The following CROCC2 variants were observed in gnomAD, a reference collection of about 807,000 sequenced individuals.
CROCC2 encodes the protein ciliary rootlet coiled-coil protein 2.
In CROCC2, 163 loss-of-function variants were observed where a neutral mutation model predicts 177.6. The observed-to-expected ratio is 0.92, with a 90% CI of 0.81 to 1.05. The LOEUF (loss-of-function observed/expected upper bound fraction) is 1.05. Ranked by LOEUF, CROCC2 falls within the 50% of genes least tolerant of loss-of-function variation. CROCC2 has a pLI of 0.00. For missense variants in CROCC2, 1,929 were observed against 1,797.8 expected (o/e 1.07, Z -1.32); for synonymous variants, 904 against 787.3 (o/e 1.15, Z -2.48).
chr2:240,982,775 C>T lies in CROCC2; in HGVS notation c.4402-105C>T, dbSNP rs1399289715. ...TCTTGCTGTTTTCATCCCAGCGATA[C>T]GGTCCTGCCAGACGGTCTAGGCAGA... On this transcript the variant is annotated intron_variant, in intron 27 of 31. Coordinates refer to ENST00000690015, the MANE Select transcript of CROCC2 (RefSeq NM_001351305.2). The surrounding 1 kb of genome is among the most constrained non-coding windows in gnomAD (Gnocchi z 4.7). The T allele has an allele frequency of 2.4e-5, 23 of 958,092 alleles. No individual in the cohort carries two copies. Among genetic ancestry groups the T allele is most frequent in the Admixed American group, 5.8e-5 (2 of 34,624 alleles). The allele number at this position is 958,092 out of a possible 1,614,324, so 59.3% of individuals were successfully genotyped here. A position where few individuals can be genotyped will look rare whatever the true frequency, so the allele number is the denominator to read the frequency against.
In CROCC2 at chr2:240,950,449, T is replaced by C. The variant is rs947303477; in HGVS notation, c.2768T>C (p.Ile923Thr). The C allele has an allele frequency of 6.5e-7, 1 of 1,550,012 alleles. No individual in the cohort carries two copies. The highest frequency in any genetic ancestry group is 2.0e-5 in the Admixed American group (1 of 50,958). Residue 923 changes from isoleucine (I) to threonine (T), a missense_variant, in exon 18 of 32, where the codon ATT becomes ACT. Coordinates refer to ENST00000690015, the MANE Select transcript of CROCC2 (RefSeq NM_001351305.2). ...AAEREALKGEIQSLKQERDES... is the reference protein window; with the variant it reads ...AAEREALKGETQSLKQERDES... ...GAGAGGGAGGCTCTGAAGGGGGAAATTCAGAGCCTGAAGCAGGAGCGGGAC... is the reference window on the plus strand; with the variant it reads ...GAGAGGGAGGCTCTGAAGGGGGAAACTCAGAGCCTGAAGCAGGAGCGGGAC...
chr2:240,951,828 C>T (rs1156409313), intron 18 of CROCC2, among the ~76,000 whole-genome samples: 3 of 152,168 alleles, frequency 2.0e-5, no homozygotes, highest in Admixed American at 2.0e-4. Flanking sequence ...TCAGTGTATC[C>T]AACTCAAACA....
chr2:240,930,857 G>A, intron 6 of CROCC2, 74 bp from the exon 7 acceptor site: 1 of 622,162 alleles, frequency 1.6e-6, no homozygotes, highest in South Asian at 1.9e-5. Flanking sequence ...GGTCCTCTGT[G>A]GGGCTGATGG....
intron 19 of CROCC2, chr2:240,957,944 G>A (rs892716270): frequency 1.0e-6 from 1 of 983,212 alleles, no homozygotes; most frequent in African/African-American, 1.7e-5. Flanking sequence ...GGGAGCTGAT[G>A]CCTCTGGCTC....
At position 240,946,068 on chromosome 2, in the gene CROCC2, C is replaced by T; in HGVS notation, c.2178C>T (p.Cys726=). The T allele has an allele frequency of 1.3e-6, 2 of 1,512,562 alleles. No homozygotes were observed. Among genetic ancestry groups the T allele is most frequent in the African/African-American group, 1.4e-5 (1 of 72,592 alleles). The allele number at this position is 1,512,562 out of a possible 1,614,324, so 93.7% of individuals were successfully genotyped here. A position where few individuals can be genotyped will look rare whatever the true frequency, so the allele number is the denominator to read the frequency against. Residue 726 remains cysteine, a synonymous_variant, in exon 15 of 32, where the codon TGC becomes TGT. Transcript: ENST00000690015. ...CTCCCCACCTCCCCTAGGTCACATG[C>T]CAGAAACAGGCCCTGGAGGAGCAGC... ...QLQEQVGQVT[C]QKQALEEQLA...
At chr2:240,974,623 G>A (rs1313548692) in intron 27 of CROCC2, among the ~76,000 whole-genome samples, 2 of 147,772 alleles carry the variant, frequency 1.4e-5, no homozygotes, top group Non-Finnish European at 3.0e-5. Flanking sequence ...ACCCACCTCA[G>A]CCTCCCAAAG....
At chr2:240,926,349 C>T (rs2059395691) in intron 5 of CROCC2, among the ~76,000 whole-genome samples, 1 of 152,222 alleles carries the variant, frequency 6.6e-6, no homozygotes, top group African/African-American at 2.4e-5. Flanking sequence ...GGTCAGGGCA[C>T]AGAGCTCCAG....
Position 240,949,590 on chromosome 2 carries a change from A to G in CROCC2, c.2540A>G (p.Asp847Gly). The change falls in exon 17 of 32, where the codon GAC becomes GGC. Residue 847 changes from aspartate (D) to glycine (G), a missense_variant. Physicochemically the swap from Asp to Gly is moderately conservative, Grantham distance 94. Transcript: ENST00000690015. This position sits in a 1 kb window ranked among gnomAD's most constrained non-coding sequence, Gnocchi z 4.5. ...WEVQEMKLRQ[D>G]TVRLQRQVAQ... is the part of the protein sequence containing the mutation. ...GTCCAGGAAATGAAGCTGCGGCAGG[A>G]CACGGTGCGGCTCCAGCGACAGGTG... 6.4e-7 allele frequency: 1 copy of G among 1,550,530 alleles called. No individual in the cohort carries two copies. The highest frequency in any genetic ancestry group is 8.7e-7 in the Non-Finnish European group (1 of 1,146,952).
chr2:240,932,375 G>T lies in CROCC2; in HGVS notation c.1005G>T (p.Ala335=), dbSNP rs746940562. ...EKLTEQNEQK[A]KTIAALRTDL... is the part of the protein sequence containing the mutation. ...TTACAGAGCAGAATGAGCAGAAGGC[G>T]AAGACCATCGCTGCCCTCAGAACCG... The change falls in exon 8 of 32, where the codon GCG becomes GCT. Residue 335 remains alanine, a synonymous_variant. Coordinates refer to ENST00000690015, the MANE Select transcript of CROCC2 (RefSeq NM_001351305.2). The T allele has an allele frequency of 5.6e-5, 40 of 717,384 alleles. No homozygotes were observed. Among genetic ancestry groups the T allele is most frequent in the Non-Finnish European group, 9.1e-5 (35 of 385,078 alleles). The allele number at this position is 717,384 out of a possible 1,614,324, so 44.4% of individuals were successfully genotyped here. A position where few individuals can be genotyped will look rare whatever the true frequency, so the allele number is the denominator to read the frequency against.
At chr2:240,913,950 C>T (rs2059302958) in intron 1 of CROCC2, among the ~76,000 whole-genome samples, 1 of 152,262 alleles carries the variant, frequency 6.6e-6, no homozygotes, top group Non-Finnish European at 1.5e-5. Flanking sequence ...TCAAGCTGTG[C>T]CTGCTCCTGG....
Position 240,966,384 on chromosome 2 carries a change from A to G in CROCC2, c.4121A>G (p.Lys1374Arg). ...VQDILRDFVQ[K>R]LREAQRERDD... ...GACATCCTGCGGGACTTTGTGCAGA[A>G]GCTCCGGGAAGCCCAGCGGGAGCGG... Residue 1374 changes from lysine (K) to arginine (R), a missense_variant, in exon 25 of 32, where the codon AAG (lysine) becomes AGG (arginine). Coordinates refer to ENST00000690015, the MANE Select transcript of CROCC2 (RefSeq NM_001351305.2). 1 of 401,664 alleles carries G rather than the reference A, an allele frequency of 2.5e-6. No homozygotes were observed. The allele number at this position is 401,664 out of a possible 1,614,324, so 24.9% of individuals were successfully genotyped here.
chr2:240,932,814 G>A lies in CROCC2; in HGVS notation c.1157G>A (p.Gly386Glu). Residue 386 changes from glycine (G) to glutamate (E), a missense_variant, in exon 9 of 32, where the codon GGG becomes GAG. By Grantham distance (98) the Gly-to-Glu change is moderately conservative. Coordinates refer to ENST00000690015, the MANE Select transcript of CROCC2 (RefSeq NM_001351305.2). ...SPQRATSPHQ[G>E]ASPPHICSPA... is the part of the protein sequence containing the mutation. Reference sequence around the variant, plus strand: ...CAACGTGCCACATCCCCCCATCAAGGGGCGTCCCCACCACACATCTGCTCC... The same window carrying A: ...CAACGTGCCACATCCCCCCATCAAGAGGCGTCCCCACCACACATCTGCTCC... 1 of 1,535,466 alleles carries A rather than the reference G, an allele frequency of 6.5e-7. No homozygotes were observed. The highest frequency in any genetic ancestry group is 2.5e-5 in the East Asian group (1 of 40,794).
chr2:240,988,720 C>A lies in CROCC2; in HGVS notation c.4552-19C>A. On this transcript the variant is annotated intron_variant, in intron 28 of 31. Transcript: ENST00000690015. ...CCCTGCCAGGAGGCCACAGGTTCTGCCTCCTGGGATCTCTGCAGATGGAGC... is the reference window on the plus strand; with the variant it reads ...CCCTGCCAGGAGGCCACAGGTTCTGACTCCTGGGATCTCTGCAGATGGAGC... 1 of 1,353,400 alleles carries A rather than the reference C, an allele frequency of 7.4e-7. No homozygotes were observed. The highest frequency in any genetic ancestry group is 9.6e-7 in the Non-Finnish European group (1 of 1,041,340). The allele number at this position is 1,353,400 out of a possible 1,614,324, so 83.8% of individuals were successfully genotyped here. A position where few individuals can be genotyped will look rare whatever the true frequency, so the allele number is the denominator to read the frequency against.
At chr2:240,968,536 G>A (rs1574787620) in intron 27 of CROCC2, among the ~76,000 whole-genome samples, 1 of 152,334 alleles carries the variant, frequency 6.6e-6, no homozygotes. Flanking sequence ...TACAGGTTGG[G>A]GAAACTGAGG....
chr2:240,910,669 G>A (rs1281964040), intron 1 of CROCC2, among the ~76,000 whole-genome samples: 1 of 152,170 alleles, frequency 6.6e-6, no homozygotes, highest in African/African-American at 2.4e-5. Flanking sequence ...TACTAGCCGC[G>A]TACCGGCTCA....
In CROCC2 at chr2:240,982,271, T is replaced by C. The variant is rs4303712; in HGVS notation, c.4402-609T>C. ...CTGAAGGGCTGTCACTGGTCCCAAG[T>C]GGATGATGGCGGTTTGGACAAGCTG... On this transcript the variant is annotated intron_variant, in intron 27 of 31. Coordinates refer to ENST00000690015, the MANE Select transcript of CROCC2 (RefSeq NM_001351305.2). This position sits in a 1 kb window ranked among gnomAD's most constrained non-coding sequence, Gnocchi z 4.7. 23,841 of 151,962 alleles carry C rather than the reference T, an allele frequency of 0.16. 2,306 individuals carry two copies. Among genetic ancestry groups the C allele is most frequent in the East Asian group, 0.38 (1,929 of 5,096 alleles). The allele number at this position is 151,962 out of a possible 1,614,324, so 9.4% of individuals were successfully genotyped here.
chr2:240,935,320 G>T, intron 13 of CROCC2, 38 bp from the exon 14 acceptor site: 2 of 1,333,530 alleles, frequency 1.5e-6, no homozygotes, highest in Non-Finnish European at 1.9e-6. Context: ...ACCGAGGATG[G>T]GGGGAGTGGA....
intron 4 of CROCC2, among the ~76,000 whole-genome samples, chr2:240,923,101 C>T (rs2059367202): frequency 6.6e-6 from 1 of 152,090 alleles, no homozygotes; most frequent in Non-Finnish European, 1.5e-5. Context: ...AGGGGCTGCT[C>T]ACCATGGGGG....
chr2:240,956,253 G>T, intron 19 of CROCC2: 1 of 476,772 alleles, frequency 2.1e-6, no homozygotes, highest in Non-Finnish European at 3.8e-6. Flanking sequence ...GCCTGGCCCA[G>T]CTGGGGGCCT....
Sources: allele counts gnomAD v4.1 joint callset (sites outside exome capture counted in the v4.1 genomes callset), GRCh38; gene constraint gnomAD v4.1.1; non-coding constraint Gnocchi (gnomAD v3.1); transcripts MANE v1.5; gene names NCBI Gene and HGNC (gene_info 2026-07-23, HGNC 2026-07-21).